Variants in SCLY observed in about 807,000 individuals in gnomAD.
The protein encoded by SCLY is putative selenocysteine lyase.
SCLY carries 38 observed loss-of-function variants against 50.1 expected under a neutral mutation model. The ratio of observed to expected loss-of-function variants is 0.76; its 90% CI spans 0.59 to 0.99. The LOEUF is 0.99. SCLY is among the 50% of genes least tolerant of loss of function. The pLI, the probability that SCLY is intolerant of heterozygous loss-of-function variation, is 0.00. For missense variants in SCLY, 600 were observed against 620.0 expected (o/e 0.97, Z 0.34); for synonymous variants, 243 against 249.4 (o/e 0.97, Z 0.24).
rs1483043999 is a variant in SCLY, at chr2:238,067,836, T to A, written c.203-229T>A. 6.6e-6 allele frequency among the ~76,000 whole-genome samples: 1 copy of A among 152,210 alleles called. No individual in the cohort carries two copies. Among genetic ancestry groups the A allele is most frequent in the Non-Finnish European group, 1.5e-5 (1 of 68,040 alleles). Reference sequence around the variant, plus strand: ...CTCCCTTACTTGTTTCTGGGTCTCATGGAGTTAATAACTCTCAGTTTGGTC... The same window carrying A: ...CTCCCTTACTTGTTTCTGGGTCTCAAGGAGTTAATAACTCTCAGTTTGGTC... On this transcript the variant is annotated intron_variant, in intron 2 of 11. Coordinates refer to ENST00000254663, the MANE Select transcript of SCLY (RefSeq NM_016510.7). This position sits in a 1 kb window ranked among gnomAD's most constrained non-coding sequence, Gnocchi z 4.3.
chr2:238,083,393 C>T lies in SCLY; in HGVS notation c.884+39C>T, dbSNP rs556984992. Reference sequence around the variant, plus strand: ...TTAACAAAGTCTCTGACCTACTGACCGTGTCATTTGTAGAGCAGTGACATT... The same window carrying T: ...TTAACAAAGTCTCTGACCTACTGACTGTGTCATTTGTAGAGCAGTGACATT... On this transcript the variant is annotated intron_variant, in intron 7 of 11. Coordinates refer to ENST00000254663, the MANE Select transcript of SCLY (RefSeq NM_016510.7). This position sits in a 1 kb window ranked among gnomAD's most constrained non-coding sequence, Gnocchi z 4.3. 2.0e-5 allele frequency: 28 copies of T among 1,403,386 alleles called. No individual in the cohort carries two copies. Among genetic ancestry groups the T allele is most frequent in the South Asian group, 9.2e-5 (8 of 86,694 alleles). 86.9% of individuals were successfully genotyped at this position (1,403,386 alleles called of 1,614,324 possible). A position where few individuals can be genotyped will look rare whatever the true frequency, so the allele number is the denominator to read the frequency against.
At chr2:238,094,728 C>T in intron 10 of SCLY, 1 of 545,334 alleles carries the variant, frequency 1.8e-6, no homozygotes, top group East Asian at 3.0e-5. Context: ...CCTCCTCTCC[C>T]TGACGTGGCT....
At chr2:238,092,781 C>G (rs2065379138) in intron 8 of SCLY, 1 of 153,070 alleles carries the variant, frequency 6.5e-6, no homozygotes, top group Non-Finnish European at 1.5e-5. Context: ...CTCCGCCACC[C>G]AGCCTAGACT....
Position 238,061,017 on chromosome 2 carries a change from G to T in SCLY, c.-38G>T, listed in dbSNP as rs1397862042. ...GCGCTCTGGGCCCGTAGCGCTCCGC[G>T]GGAAGGAGGCTGGATGCCCGGCAGC... is the stretch of plus-strand genomic sequence containing the variant. On this transcript the variant is annotated 5_prime_UTR_variant, in exon 1 of 12. Transcript: ENST00000254663. 4.4e-6 allele frequency: 6 copies of T among 1,348,870 alleles called. No individual in the cohort carries two copies. Among genetic ancestry groups the T allele is most frequent in the Non-Finnish European group, 4.7e-6 (5 of 1,054,302 alleles). The allele number at this position is 1,348,870 out of a possible 1,614,324, so 83.6% of individuals were successfully genotyped here.
chr2:238,072,053 A>G (rs1032778870), intron 4 of SCLY, among the ~76,000 whole-genome samples: 1 of 152,074 alleles, frequency 6.6e-6, no homozygotes, highest in African/African-American at 2.4e-5. Flanking sequence ...TTAACTGTAA[A>G]TCTTCATTTC....
chr2:238,093,955 C>G lies in SCLY; in HGVS notation c.1005+11C>G, dbSNP rs377719179. 1.2e-5 allele frequency: 19 copies of G among 1,610,378 alleles called. No individual in the cohort carries two copies. Among genetic ancestry groups the G allele is most frequent in the Non-Finnish European group, 1.5e-5 (18 of 1,178,292 alleles). ...GAAGAGAGGCTGGAAGTGAGCGCAGCGTGGGGTGGGCACCAGGAGGGGGAG... is the reference window on the plus strand; with the variant it reads ...GAAGAGAGGCTGGAAGTGAGCGCAGGGTGGGGTGGGCACCAGGAGGGGGAG... On this transcript the variant is annotated intron_variant, in intron 9 of 11. Transcript: ENST00000254663.
chr2:238,089,262 G>C (rs944790209), intron 7 of SCLY, among the ~76,000 whole-genome samples: 4 of 152,164 alleles, frequency 2.6e-5, no homozygotes, highest in African/African-American at 9.7e-5. Context: ...TCTAAGCAGA[G>C]ACACATGCCG....
Position 238,083,777 on chromosome 2 carries a change from T to C in SCLY, c.884+423T>C, listed in dbSNP as rs2065261315. Among the ~76,000 whole-genome samples, 1 of 152,088 alleles carries C rather than the reference T, an allele frequency of 6.6e-6. No homozygotes were observed. Among genetic ancestry groups the C allele is most frequent in the Admixed American group, 6.5e-5 (1 of 15,274 alleles). ...GTATAGTGACGTGTTAACTGGGAAATTAGTTGTTGCCCCCACCACACCTTT... is the reference window on the plus strand; with the variant it reads ...GTATAGTGACGTGTTAACTGGGAAACTAGTTGTTGCCCCCACCACACCTTT... On this transcript the variant is annotated intron_variant, in intron 7 of 11. Transcript: ENST00000254663. The surrounding 1 kb of genome is among the most constrained non-coding windows in gnomAD (Gnocchi z 4.3).
At chr2:238,095,317 C>G (rs1283022295) in intron 10 of SCLY, among the ~76,000 whole-genome samples, 1 of 152,208 alleles carries the variant, frequency 6.6e-6, no homozygotes, top group Admixed American at 6.5e-5. Flanking sequence ...CCAGATGCAC[C>G]TAAAACCTGG....
chr2:238,064,275 G>A (rs1243715405), intron 1 of SCLY, 82 bp from the exon 2 acceptor site: 10 of 807,352 alleles, frequency 1.2e-5, no homozygotes, highest in Middle Eastern at 2.4e-4. Flanking sequence ...TGCTCCTGCC[G>A]ATGGGATAGA....
chr2:238,086,389 G>A (rs955274614), intron 7 of SCLY, among the ~76,000 whole-genome samples: 2 of 152,174 alleles, frequency 1.3e-5, no homozygotes, highest in Admixed American at 6.5e-5. Context: ...TAGGAGATGA[G>A]GTCTGTGCTT....
In SCLY at chr2:238,094,514, G is replaced by T; in HGVS notation, c.1100G>T (p.Arg367Leu). Residue 367 changes from arginine to leucine, a missense_variant, in exon 10 of 12, where the codon CGG (arginine) becomes CTG (leucine). Physicochemically the swap from Arg to Leu is moderately radical, Grantham distance 102. Transcript: ENST00000254663. Reference sequence around the variant, plus strand: ...TGTAACTTTTCCATCCGGGGACCCCGGCTTCAAGGTGATGGCCCCTCACCC... The same window carrying T: ...TGTAACTTTTCCATCCGGGGACCCCTGCTTCAAGGTGATGGCCCCTCACCC... ...NTCNFSIRGP[R>L]LQGHVVLAQC... 1.2e-6 allele frequency: 2 copies of T among 1,613,892 alleles called. No homozygotes were observed. Among genetic ancestry groups the T allele is most frequent in the Non-Finnish European group, 1.7e-6 (2 of 1,179,810 alleles).
intron 9 of SCLY, 36 bp downstream of exon 9, chr2:238,093,980 G>A (rs1422571783): frequency 6.3e-7 from 1 of 1,575,456 alleles, no homozygotes; most frequent in Admixed American, 1.7e-5. Flanking sequence ...AGGAGGGGGA[G>A]GGTGCGTGGG....
chr2:238,086,354 GAAAGGC>G (rs1428557205), intron 7 of SCLY, among the ~76,000 whole-genome samples: 2 of 152,280 alleles, frequency 1.3e-5, no homozygotes, highest in African/African-American at 4.8e-5. Context: ...GATAATTATA[GAAAGGC>G]AAAGGTAAAG....
In SCLY at chr2:238,063,785, T is replaced by C. The variant is rs534592333; in HGVS notation, c.90-572T>C. On this transcript the variant is annotated intron_variant, in intron 1 of 11. Transcript: ENST00000254663. ...TAAAACAGCAGACAGGAAAGTTCCC[T>C]TGGGGAATGTGCAGCTGTTCCCCTC... Among the ~76,000 whole-genome samples the C allele has an allele frequency of 3.3e-5, 5 of 151,244 alleles. No homozygotes were observed. In the South Asian group the frequency reaches 1.0e-3, roughly 31 times the overall value.
intron 7 of SCLY, among the ~76,000 whole-genome samples, chr2:238,085,494 G>A (rs545361807): frequency 5.9e-5 from 9 of 151,538 alleles, no homozygotes; most frequent in South Asian, 2.1e-4. Context: ...CGAGGTGAGC[G>A]GATCACAAGG....
chr2:238,082,904 T>G, intron 6 of SCLY: 3 of 345,284 alleles, frequency 8.7e-6, no homozygotes, highest in East Asian at 1.5e-4. Context: ...CCCCTCTCTA[T>G]TTATGCATTC....
intron 4 of SCLY, among the ~76,000 whole-genome samples, chr2:238,078,227 T>TA (rs1254903907): frequency 2.6e-5 from 4 of 152,290 alleles, no homozygotes; most frequent in Admixed American, 1.3e-4. Flanking sequence ...GTGCTAGGAT[T>TA]ACAGGCTTGA....
intron 7 of SCLY, among the ~76,000 whole-genome samples, chr2:238,088,956 G>C (rs1449843423): frequency 6.6e-6 from 1 of 152,214 alleles, no homozygotes; most frequent in African/African-American, 2.4e-5. Context: ...AAGGCATATA[G>C]ATCAGAATGG....
Sources: gnomAD v4.1 joint callset for allele counts (sites outside exome capture counted in the v4.1 genomes callset) on GRCh38, gnomAD v4.1.1 for gene constraint, Gnocchi (gnomAD v3.1) non-coding constraint, MANE v1.5 for transcripts, NCBI Gene and HGNC (gene_info 2026-07-23, HGNC 2026-07-21) for gene names.